Variants in ADCY3 observed in about 807,000 individuals in gnomAD.
ADCY3 encodes adenylate cyclase type 3.
Under a neutral mutation model 119.4 loss-of-function variants are expected in ADCY3, and 70 were observed. That is an observed-to-expected ratio of 0.59 (90% CI 0.48 to 0.72). The LOEUF (loss-of-function observed/expected upper bound fraction) is 0.72, where lower values mean the gene tolerates loss of function less well. ADCY3 is among the 30% of genes least tolerant of loss of function. The probability of loss-of-function intolerance (pLI) is 0.00; values close to 1 mark genes in which losing one functional copy is unlikely to be tolerated. For synonymous variants in ADCY3, 672 were observed against 621.4 expected, an observed-to-expected ratio of 1.08 and a Z score of -1.21; for missense variants, 1,238 against 1,541.6, an observed-to-expected ratio of 0.80 and a Z score of 3.30.
At chr2:24,855,584 T>C (rs1050665735) in intron 3 of ADCY3, among the ~76,000 whole-genome samples, 2 of 152,112 alleles carry the variant, frequency 1.3e-5, no homozygotes, top group Non-Finnish European at 2.9e-5. Flanking sequence ...TTGATGGTTA[T>C]CCTAAAAATA....
chr2:24,833,832 C>A (rs1221830717), intron 11 of ADCY3, among the ~76,000 whole-genome samples: 1 of 152,236 alleles, frequency 6.6e-6, no homozygotes, highest in African/African-American at 2.4e-5. Flanking sequence ...GTGGCCTGCA[C>A]GTGGTCACAC....
chr2:24,877,235 T>C (rs1368056712), intron 2 of ADCY3, among the ~76,000 whole-genome samples: 1 of 152,232 alleles, frequency 6.6e-6, no homozygotes, highest in East Asian at 1.9e-4. Context: ...AGCCTCACGC[T>C]GTTGGGTGGC....
rs6732140 is a variant in ADCY3, at chr2:24,899,959, G to A, written c.675+18354C>T. ...ATAATATAGAAGAAAACTGATATTC[G>A]TTTAAGAGAAGCCTCAATGTTAATA... is the stretch of plus-strand genomic sequence containing the variant. On this transcript the variant is annotated intron_variant, in intron 2 of 21. Coordinates refer to ENST00000679454, the MANE Select transcript of ADCY3 (RefSeq NM_004036.5). This position sits in a 1 kb window ranked among gnomAD's most constrained non-coding sequence, Gnocchi z 4.5. 0.14 allele frequency among the ~76,000 whole-genome samples: 21,706 copies of A among 152,006 alleles called. 4,098 individuals are homozygous for A. The highest frequency in any genetic ancestry group is 0.44 in the African/African-American group (18,086 of 41,420).
intron 2 of ADCY3, among the ~76,000 whole-genome samples, chr2:24,889,234 T>C (rs868002603): frequency 3.9e-5 from 6 of 152,368 alleles, no homozygotes; most frequent in African/African-American, 2.4e-5. Context: ...TTTCTGAGAA[T>C]GTCACTGCCT....
In ADCY3 at chr2:24,878,133, T is replaced by G; in HGVS notation, c.676-5414A>C. On this transcript the variant is annotated intron_variant, in intron 2 of 21. Transcript: ENST00000679454. This position sits in a 1 kb window ranked among gnomAD's most constrained non-coding sequence, Gnocchi z 4.0. ...ATTTCAAAAGAATTGTTCTGCTTTT[T>G]TAAAATATACAACATTTTTAGAATA... The G allele has an allele frequency of 3.6e-6, 1 of 274,656 alleles. No homozygotes were observed. The highest frequency in any genetic ancestry group is 7.5e-6 in the Non-Finnish European group (1 of 133,952). The allele number at this position is 274,656 out of a possible 1,614,324, so 17.0% of individuals were successfully genotyped here.
intron 3 of ADCY3, among the ~76,000 whole-genome samples, chr2:24,852,226 T>G (rs1672391036): frequency 6.6e-6 from 1 of 152,142 alleles, no homozygotes; most frequent in South Asian, 2.1e-4. Flanking sequence ...CAACAGCCTC[T>G]GATGTGTCTC....
intron 2 of ADCY3, among the ~76,000 whole-genome samples, chr2:24,895,739 T>C (rs6705446): frequency 0.53 from 79,846 of 151,676 alleles, 23,311 homozygotes; most frequent in African/African-American, 0.8. Context: ...GATCCTCCCG[T>C]CTCAGCCTCC....
intron 16 of ADCY3, among the ~76,000 whole-genome samples, chr2:24,825,147 C>T (rs1159047554): frequency 6.6e-6 from 1 of 152,130 alleles, no homozygotes; most frequent in East Asian, 1.9e-4. Flanking sequence ...GATCTCCCAA[C>T]TCAGGGTGGA....
intron 20 of ADCY3, 34 bp from the exon 21 acceptor site, chr2:24,820,882 A>G: frequency 6.2e-7 from 1 of 1,609,410 alleles, no homozygotes; most frequent in Non-Finnish European, 8.5e-7. Flanking sequence ...GCACAGCCAC[A>G]GGCCACACCT....
At chr2:24,854,999 G>C (rs1430319604) in intron 3 of ADCY3, among the ~76,000 whole-genome samples, 11 of 152,128 alleles carry the variant, frequency 7.2e-5, no homozygotes, top group Non-Finnish European at 1.5e-5. Context: ...GCAGTGAACT[G>C]AGACTGCGCC....
At chr2:24,860,224 C>G (rs537655987) in intron 3 of ADCY3, among the ~76,000 whole-genome samples, 1 of 152,304 alleles carries the variant, frequency 6.6e-6, no homozygotes, top group Admixed American at 6.5e-5. Flanking sequence ...TGCCAGGTGG[C>G]GGCTGGGGTG....
At position 24,841,972 on chromosome 2, in the gene ADCY3, GCCCC is replaced by G; in HGVS notation, c.956+278_956+281del. 6.6e-6 allele frequency among the ~76,000 whole-genome samples: 1 copy of G among 152,174 alleles called. No homozygotes were observed. Among genetic ancestry groups the G allele is most frequent in the East Asian group, 1.9e-4 (1 of 5,186 alleles). The stretch of plus-strand genomic sequence containing the variant: ...CCTAGAATCACAGGTCAGGGCTCTA[GCCCC>G]AGTGCTGGCCCTCAACAGCTGGGTG... On this transcript the variant is annotated intron_variant, in intron 4 of 21. Transcript: ENST00000679454. This position sits in a 1 kb window ranked among gnomAD's most constrained non-coding sequence, Gnocchi z 5.8.
intron 3 of ADCY3, among the ~76,000 whole-genome samples, chr2:24,844,514 G>C (rs1199249342): frequency 6.6e-6 from 1 of 152,170 alleles, no homozygotes; most frequent in Non-Finnish European, 1.5e-5. Context: ...AGAGAGGCCA[G>C]CTCATCCTGC....
chr2:24,919,383 C>T lies in ADCY3; in HGVS notation c.-197-199G>A, dbSNP rs1365511639. Reference sequence around the variant, plus strand: ...CACGCCAGACACTCAATTTCCTGTCCCTGGCTTGTGGAAGGGCCTAGCCGC... The same window carrying T: ...CACGCCAGACACTCAATTTCCTGTCTCTGGCTTGTGGAAGGGCCTAGCCGC... On this transcript the variant is annotated intron_variant, in intron 1 of 21. Coordinates refer to ENST00000679454, the MANE Select transcript of ADCY3 (RefSeq NM_004036.5). This position sits in a 1 kb window ranked among gnomAD's most constrained non-coding sequence, Gnocchi z 5.5. 5.4e-6 allele frequency: 1 copy of T among 185,414 alleles called. No homozygotes were observed. The highest frequency in any genetic ancestry group is 1.1e-5 in the Non-Finnish European group (1 of 88,768). The allele number at this position is 185,414 out of a possible 1,614,324, so 11.5% of individuals were successfully genotyped here.
At chr2:24,840,618 G>C (rs777205435) in intron 6 of ADCY3, 37 of 444,470 alleles carry the variant, frequency 8.3e-5, no homozygotes, top group Non-Finnish European at 9.8e-5. Context: ...GAGGGGCCTC[G>C]GCAGGAGCTT....
chr2:24,836,404 G>C (rs1292306789), intron 9 of ADCY3, among the ~76,000 whole-genome samples: 3 of 152,230 alleles, frequency 2.0e-5, no homozygotes, highest in African/African-American at 7.2e-5. Flanking sequence ...CTCCATCAGT[G>C]AACGTGCTCC....
intron 3 of ADCY3, among the ~76,000 whole-genome samples, chr2:24,857,991 ATTTTTTTTTTT>A (rs56672595): frequency 9.8e-5 from 12 of 122,390 alleles, no homozygotes; most frequent in Non-Finnish European, 1.8e-4. Flanking sequence ...TGTGGTCTGA[ATTTTTTTTTTT>A]TTTTTTTTTT....
At chr2:24,887,808 G>A (rs759762281) in intron 2 of ADCY3, among the ~76,000 whole-genome samples, 5 of 152,144 alleles carry the variant, frequency 3.3e-5, no homozygotes, top group Non-Finnish European at 5.9e-5. Flanking sequence ...AATAACCACA[G>A]GCCCATCTCA....
chr2:24,828,743 C>T (rs147810836), intron 13 of ADCY3, among the ~76,000 whole-genome samples: 1 of 152,254 alleles, frequency 6.6e-6, no homozygotes, highest in Non-Finnish European at 1.5e-5. Flanking sequence ...CCTTGTCTTG[C>T]TTGCGCGATT....
Sources: allele counts gnomAD v4.1 joint callset (sites outside exome capture counted in the v4.1 genomes callset), GRCh38; gene constraint gnomAD v4.1.1; non-coding constraint Gnocchi (gnomAD v3.1); transcripts MANE v1.5; gene names NCBI Gene and HGNC (gene_info 2026-07-23, HGNC 2026-07-21).